The following SLCO2A1 variants were observed in gnomAD, a reference collection of about 807,000 sequenced individuals.
The protein encoded by SLCO2A1 is solute carrier organic anion transporter family member 2A1.
In SLCO2A1, 60 loss-of-function variants were observed where a neutral mutation model predicts 71.7. That is an observed-to-expected ratio of 0.84 (90% CI 0.68 to 1.04). SLCO2A1 has a LOEUF of 1.04. Ranked by LOEUF, SLCO2A1 falls within the 50% of genes least tolerant of loss-of-function variation. The pLI is 0.00. For synonymous variants in SLCO2A1, 308 were observed against 326.7 expected, an observed-to-expected ratio of 0.94 and a Z score of 0.62; for missense variants, 745 against 813.4, an observed-to-expected ratio of 0.92 and a Z score of 1.02.
Position 133,973,746 on chromosome 3 carries a change from C to T in SLCO2A1, c.314G>A (p.Gly105Asp), listed in dbSNP as rs764589981. The T allele has an allele frequency of 6.2e-7, 1 of 1,613,966 alleles. No homozygotes were observed. Among genetic ancestry groups the T allele is most frequent in the African/African-American group, 1.3e-5 (1 of 74,920 alleles). Reference sequence around the variant, plus strand: ...GAAGGCACCTGCAGCCAGGAAGAGACCTCCGATGCCAATCAGACGTGGACG... The same window carrying T: ...GAAGGCACCTGCAGCCAGGAAGAGATCTCCGATGCCAATCAGACGTGGACG... ...VHRPRLIGIG[G>D]LFLAAGAFIL... is the part of the protein sequence containing the mutation. The change falls in exon 3 of 14, where the codon GGT becomes GAT. Residue 105 changes from glycine to aspartate, a missense_variant. Transcript: ENST00000310926.
chr3:133,981,671 G>A lies in SLCO2A1; in HGVS notation c.97-2053C>T, dbSNP rs75797232. Among the ~76,000 whole-genome samples, 372 of 152,272 alleles carry A rather than the reference G, an allele frequency of 2.4e-3. 3 individuals carry two copies. Among genetic ancestry groups the A allele is most frequent in the African/African-American group, 8.4e-3 (350 of 41,566 alleles). ...ACCATCCTTGTAAAGGGTAAGATGTGAAAGATTAGAAAAAGAAAAGCAAGG... is the reference window on the plus strand; with the variant it reads ...ACCATCCTTGTAAAGGGTAAGATGTAAAAGATTAGAAAAAGAAAAGCAAGG... On this transcript the variant is annotated intron_variant, in intron 1 of 13. Transcript: ENST00000310926.
intron 3 of SLCO2A1, among the ~76,000 whole-genome samples, chr3:133,971,607 T>A (rs1243565280): frequency 6.6e-6 from 1 of 152,214 alleles, no homozygotes; most frequent in Non-Finnish European, 1.5e-5. Flanking sequence ...TCTAAGTGGT[T>A]CATCTCTCAA....
intron 11 of SLCO2A1, among the ~76,000 whole-genome samples, chr3:133,939,202 C>G (rs1471915735): frequency 6.6e-6 from 1 of 152,196 alleles, no homozygotes; most frequent in Non-Finnish European, 1.5e-5. Context: ...GGTAGCTGGT[C>G]CTGCCCCTAA....
At chr3:133,943,291 C>T (rs1012558101) in intron 10 of SLCO2A1, among the ~76,000 whole-genome samples, 2 of 152,178 alleles carry the variant, frequency 1.3e-5, no homozygotes, top group Non-Finnish European at 2.9e-5. Context: ...GAAGGAGGCC[C>T]CTGTCTCAAG....
intron 11 of SLCO2A1, among the ~76,000 whole-genome samples, chr3:133,940,113 G>A (rs191161677): frequency 4.3e-4 from 66 of 151,988 alleles, no homozygotes; most frequent in Middle Eastern, 3.4e-3. Context: ...GACTACAGGC[G>A]CCCATCACCA....
At chr3:134,029,153 G>T (rs887829298) in intron 1 of SLCO2A1, among the ~76,000 whole-genome samples, 4 of 152,106 alleles carry the variant, frequency 2.6e-5, no homozygotes, top group African/African-American at 9.7e-5. Flanking sequence ...GCACAGCCAG[G>T]TAGCAGAGCC....
At chr3:133,944,299 G>A (rs529517959) in intron 10 of SLCO2A1, among the ~76,000 whole-genome samples, 1 of 152,184 alleles carries the variant, frequency 6.6e-6, no homozygotes, top group African/African-American at 2.4e-5. Context: ...TTGATAGAAT[G>A]CACCCTCCAT....
At chr3:134,006,254 G>A (rs4128716) in intron 1 of SLCO2A1, among the ~76,000 whole-genome samples, 17,803 of 151,956 alleles carry the variant, frequency 0.12, 1,368 homozygotes, top group Non-Finnish European at 0.17. Flanking sequence ...GTCTCACTTT[G>A]TTGCCCAGGC....
Position 133,994,647 on chromosome 3 carries a change from C to T in SLCO2A1, c.97-15029G>A, listed in dbSNP as rs572536956. On this transcript the variant is annotated intron_variant, in intron 1 of 13. Transcript: ENST00000310926. Reference sequence around the variant, plus strand: ...CGCCATGTCTCCCATGGGTGCCCTGCTCATGCACCCTTGGGGGGAAGCTGG... The same window carrying T: ...CGCCATGTCTCCCATGGGTGCCCTGTTCATGCACCCTTGGGGGGAAGCTGG... Among the ~76,000 whole-genome samples the T allele has an allele frequency of 2.6e-4, 40 of 152,374 alleles. 1 individual carries two copies. In the South Asian group the frequency reaches 8.1e-3, roughly 31 times the overall value.
At chr3:134,001,317 G>A (rs1935099666) in intron 1 of SLCO2A1, among the ~76,000 whole-genome samples, 1 of 152,090 alleles carries the variant, frequency 6.6e-6, no homozygotes. Context: ...CACCATGTTG[G>A]CCAGGCTGGT....
chr3:134,025,342 A>C (rs1004073445), intron 1 of SLCO2A1, among the ~76,000 whole-genome samples: 1 of 152,134 alleles, frequency 6.6e-6, no homozygotes, highest in African/African-American at 2.4e-5. Context: ...GAAATGACCA[A>C]CCTGATGTGT....
At chr3:133,960,069 A>G (rs546132775) in intron 3 of SLCO2A1, among the ~76,000 whole-genome samples, 10 of 152,292 alleles carry the variant, frequency 6.6e-5, no homozygotes, top group Admixed American at 3.3e-4. Flanking sequence ...GCAGTGAGCC[A>G]AGATGGCGCC....
At chr3:133,935,111 C>T (rs1233021827) in intron 13 of SLCO2A1, among the ~76,000 whole-genome samples, 1 of 152,164 alleles carries the variant, frequency 6.6e-6, no homozygotes, top group Non-Finnish European at 1.5e-5. Flanking sequence ...CCCAGCCACC[C>T]CCAGACGGTC....
At chr3:134,004,816 G>T (rs761990571) in intron 1 of SLCO2A1, among the ~76,000 whole-genome samples, 1 of 152,168 alleles carries the variant, frequency 6.6e-6, no homozygotes, top group African/African-American at 2.4e-5. Flanking sequence ...GCCTCCAGAA[G>T]GAACACAGCC....
chr3:133,986,877 G>A (rs558816591), intron 1 of SLCO2A1, among the ~76,000 whole-genome samples: 12 of 152,236 alleles, frequency 7.9e-5, no homozygotes, highest in African/African-American at 2.4e-4. Context: ...TGATCTACAT[G>A]TTCATGCCTC....
intron 1 of SLCO2A1, among the ~76,000 whole-genome samples, chr3:134,014,445 T>A (rs771582572): frequency 6.6e-6 from 1 of 152,104 alleles, no homozygotes; most frequent in Non-Finnish European, 1.5e-5. Context: ...CTGGGTTTCA[T>A]CTCCACCCCT....
chr3:133,951,143 T>A lies in SLCO2A1; in HGVS notation c.861+65A>T, dbSNP rs188979766. On this transcript the variant is annotated intron_variant, in intron 6 of 13. Coordinates refer to ENST00000310926, the MANE Select transcript of SLCO2A1 (RefSeq NM_005630.3). ...TGCTGCAGCTTTTTAGCTCTATTTA[T>A]TTTCTACCCCCACATCCCTTTCTTC... is the stretch of plus-strand genomic sequence containing the variant. 179 of 1,604,786 alleles carry A rather than the reference T, an allele frequency of 1.1e-4. No individual in the cohort carries two copies. The East Asian group carries it at 3.1e-3, about 28-fold the overall frequency.
rs72980330 is a variant in SLCO2A1 at position 133,967,188 on chromosome 3, G to A, written c.397+6475C>T. ...TCACTCAGCTTCATTCCTGAGCAAG[G>A]GAAATGATCAGGCATGCCTGAGGGT... On this transcript the variant is annotated intron_variant, in intron 3 of 13. Coordinates refer to ENST00000310926, the MANE Select transcript of SLCO2A1 (RefSeq NM_005630.3). Among the ~76,000 whole-genome samples the A allele has an allele frequency of 4.2e-3, 636 of 152,316 alleles. 6 individuals are homozygous for A. The highest frequency in any genetic ancestry group is 0.014 in the African/African-American group (599 of 41,564).
At chr3:133,969,888 G>T (rs917302485) in intron 3 of SLCO2A1, among the ~76,000 whole-genome samples, 4 of 152,140 alleles carry the variant, frequency 2.6e-5, no homozygotes, top group Admixed American at 6.5e-5. Context: ...ACCAACACAA[G>T]AATCTGGGAA....
Sources: gnomAD v4.1 joint callset for allele counts (sites outside exome capture counted in the v4.1 genomes callset) on GRCh38, gnomAD v4.1.1 for gene constraint, MANE v1.5 for transcripts, NCBI Gene and HGNC (gene_info 2026-07-23, HGNC 2026-07-21) for gene names.